DYTN: variants seen among roughly 807,000 people sequenced by gnomAD.
DYTN encodes the protein dystrotelin.
In DYTN, 75 loss-of-function variants were observed where a neutral mutation model predicts 69.6. The observed-to-expected ratio is 1.08, with a 90% CI of 0.89 to 1.31. The LOEUF (loss-of-function observed/expected upper bound fraction) is 1.31. Ranked by LOEUF, DYTN falls within the 50% of genes most tolerant of loss-of-function variation. The pLI, the probability that DYTN is intolerant of heterozygous loss-of-function variation, is 0.00. For synonymous variants in DYTN, 252 were observed against 249.1 expected (o/e 1.01, Z -0.11); for missense variants, 726 against 688.4 (o/e 1.05, Z -0.61).
chr2:206,703,705 A>G (rs1029130987), intron 5 of DYTN, among the ~76,000 whole-genome samples: 3 of 152,244 alleles, frequency 2.0e-5, no homozygotes, highest in Admixed American at 6.5e-5. Context: ...CTTCCTCCTT[A>G]TCCCGCCCTT....
At chr2:206,652,107 G>A (rs193241083) in intron 11 of DYTN, among the ~76,000 whole-genome samples, 186 bp from the exon 12 acceptor site, 9 of 152,300 alleles carry the variant, frequency 5.9e-5, no homozygotes, top group Non-Finnish European at 1.0e-4. Flanking sequence ...TACGAATTCA[G>A]TCAGGCATAG....
intron 2 of DYTN, among the ~76,000 whole-genome samples, chr2:206,709,839 G>T (rs77861227): frequency 0.071 from 10,848 of 152,168 alleles, 480 homozygotes; most frequent in Non-Finnish European, 0.084. Flanking sequence ...TGCCTGATGT[G>T]TTTCATAGCT....
Position 206,651,888 on chromosome 2 carries a change from C to T in DYTN, c.1667G>A (p.Ser556Asn). Residue 556 changes from serine (S) to asparagine (N), a missense_variant, in exon 12 of 12, where the codon AGT (serine) becomes AAT (asparagine). By Grantham distance (46) the Ser-to-Asn change is conservative. Transcript: ENST00000452335. Reference protein sequence around the residue: ...PESSVNMDLYSGAQRVCRAFS... With the variant: ...PESSVNMDLYNGAQRVCRAFS... ...GGCCCTGCACACTCGCTGAGCTCCA[C>T]TGTACAGGTCCATGTTTACTGAAGA... is the stretch of plus-strand genomic sequence containing the variant. 6.2e-7 allele frequency: 1 copy of T among 1,613,522 alleles called. No homozygotes were observed.
chr2:206,663,717 T>C (rs966193774), intron 10 of DYTN, among the ~76,000 whole-genome samples: 2 of 152,204 alleles, frequency 1.3e-5, no homozygotes, highest in African/African-American at 2.4e-5. Context: ...ATATGTTGAA[T>C]TGACAGATAA....
chr2:206,699,079 A>G (rs757486623), intron 7 of DYTN, among the ~76,000 whole-genome samples: 17 of 152,240 alleles, frequency 1.1e-4, no homozygotes, highest in East Asian at 3.8e-4. Context: ...ACACTTAACA[A>G]AAGTAGTGTT....
intron 4 of DYTN, 133 bp downstream of exon 4, chr2:206,705,655 T>C (rs1021007362): frequency 1.3e-5 from 9 of 699,942 alleles, no homozygotes; most frequent in African/African-American, 1.3e-4. Context: ...AAATAGTAAA[T>C]ATTTTTATTT....
intron 9 of DYTN, among the ~76,000 whole-genome samples, chr2:206,685,389 C>T (rs1362868416): frequency 6.6e-6 from 1 of 152,014 alleles, no homozygotes; most frequent in Non-Finnish European, 1.5e-5. Flanking sequence ...TCTCGAACTC[C>T]TGGGGTCAAG....
intron 9 of DYTN, among the ~76,000 whole-genome samples, chr2:206,684,782 A>G (rs1301699842): frequency 4.0e-5 from 6 of 151,748 alleles, no homozygotes; most frequent in South Asian, 2.1e-4. Context: ...TTTTTCTTAG[A>G]AAGTATAGCC....
chr2:206,672,292 A>T (rs1273903485), intron 9 of DYTN, among the ~76,000 whole-genome samples: 1 of 152,234 alleles, frequency 6.6e-6, no homozygotes, highest in Admixed American at 6.5e-5. Flanking sequence ...TTTAATAATG[A>T]AGGTGAGAGG....
In DYTN at chr2:206,663,011, T is replaced by C. The variant is rs1482871872; in HGVS notation, c.1525A>G (p.Lys509Glu). The change falls in exon 11 of 12, where the codon AAG becomes GAG. Residue 509 changes from lysine (K) to glutamate (E), a missense_variant. By Grantham distance (56) the Lys-to-Glu change is moderately conservative. Coordinates refer to ENST00000452335, the MANE Select transcript of DYTN (RefSeq NM_001093730.1). ...TCCTTGATGTTACCTGCCTCTTTCTTTTCCACGGCTGCCAGAGCAGGACTG... is the reference window on the plus strand; with the variant it reads ...TCCTTGATGTTACCTGCCTCTTTCTCTTCCACGGCTGCCAGAGCAGGACTG... Reference protein sequence around the residue: ...MSSPALAAVEKKEAGNIKERK... With the variant: ...MSSPALAAVEEKEAGNIKERK... 5 of 1,613,868 alleles carry C rather than the reference T, an allele frequency of 3.1e-6. No homozygotes were observed. The highest frequency in any genetic ancestry group is 4.2e-6 in the Non-Finnish European group (5 of 1,179,880).
rs1436597986 is a variant in DYTN, at chr2:206,712,874, G to C, written c.20-2276C>G. 3.3e-5 allele frequency among the ~76,000 whole-genome samples: 5 copies of C among 152,338 alleles called. 1 individual carries two copies. In the South Asian group the frequency reaches 1.0e-3, roughly 32 times the overall value. ...AGGCAAGTAATGTTCCAATGAATCT[G>C]GGTTCAAGGACTCTTGGTTCAAGTT... On this transcript the variant is annotated intron_variant, in intron 1 of 11. Transcript: ENST00000452335.
chr2:206,697,820 A>T (rs1433637164), intron 7 of DYTN, among the ~76,000 whole-genome samples: 6 of 152,200 alleles, frequency 3.9e-5, no homozygotes, highest in African/African-American at 1.4e-4. Context: ...CATTCTCAAC[A>T]GATATTTGAA....
rs570911271 is a variant in DYTN, at chr2:206,710,511, A to C, written c.94+13T>G. The C allele has an allele frequency of 8.7e-6, 14 of 1,603,404 alleles. No individual in the cohort carries two copies. In the South Asian group the frequency reaches 1.6e-4, roughly 18 times the overall value. On this transcript the variant is annotated intron_variant, in intron 2 of 11. Transcript: ENST00000452335. ...CAGATTATTTCAAATATTTCAGGAG[A>C]GCCTATACTTACACTGGCACAGAGT...
At chr2:206,679,702 A>G (rs749378620) in intron 9 of DYTN, among the ~76,000 whole-genome samples, 7 of 152,228 alleles carry the variant, frequency 4.6e-5, no homozygotes, top group Non-Finnish European at 1.0e-4. Context: ...GAACAGATAA[A>G]TATAGAATCA....
At chr2:206,669,632 G>A (rs1699609939) in intron 9 of DYTN, among the ~76,000 whole-genome samples, 1 of 151,892 alleles carries the variant, frequency 6.6e-6, no homozygotes, top group Admixed American at 6.6e-5. Flanking sequence ...TTTTAAGAAG[G>A]TAAGTTAAAA....
At chr2:206,713,467 A>G (rs981927562) in intron 1 of DYTN, among the ~76,000 whole-genome samples, 3 of 152,212 alleles carry the variant, frequency 2.0e-5, no homozygotes, top group Admixed American at 1.3e-4. Flanking sequence ...TGAAGGAATT[A>G]GCTTTGGTAA....
At chr2:206,679,915 T>G (rs949537268) in intron 9 of DYTN, among the ~76,000 whole-genome samples, 1 of 152,194 alleles carries the variant, frequency 6.6e-6, no homozygotes, top group Non-Finnish European at 1.5e-5. Context: ...ATCTTGGTAT[T>G]GTTCTGCTCT....
At chr2:206,711,231 G>A (rs1052148341) in intron 1 of DYTN, among the ~76,000 whole-genome samples, 2 of 152,162 alleles carry the variant, frequency 1.3e-5, no homozygotes, top group Non-Finnish European at 2.9e-5. Context: ...AAAAAGTGTA[G>A]GCTATTTTTA....
intron 7 of DYTN, among the ~76,000 whole-genome samples, chr2:206,697,780 C>T (rs771300577): frequency 6.6e-6 from 1 of 152,184 alleles, no homozygotes; most frequent in Non-Finnish European, 1.5e-5. Flanking sequence ...AGATGGTTTA[C>T]ATGGGGGCAT....
Sources: allele counts gnomAD v4.1 joint callset (sites outside exome capture counted in the v4.1 genomes callset), GRCh38; gene constraint gnomAD v4.1.1; transcripts MANE v1.5; gene names NCBI Gene and HGNC (gene_info 2026-07-23, HGNC 2026-07-21).